ANKFY1: variants seen among roughly 807,000 people sequenced by gnomAD.
ANKFY1 encodes ankyrin repeat and FYVE domain-containing protein 1.
ANKFY1 carries 47 observed loss-of-function variants against 128.3 expected under a neutral mutation model. The ratio of observed to expected loss-of-function variants is 0.37; its 90% CI spans 0.29 to 0.47. The LOEUF is 0.47. Ranked by LOEUF, ANKFY1 falls within the 20% of genes least tolerant of loss-of-function variation. The pLI, the probability that ANKFY1 is intolerant of heterozygous loss-of-function variation, is 1.00. For synonymous variants in ANKFY1, 553 were observed against 601.6 expected (o/e 0.92, Z 1.18); for missense variants, 1,222 against 1,510.6 (o/e 0.81, Z 3.17).
rs1567941985 is a variant in ANKFY1 at position 4,205,480 on chromosome 17, CG to C, written c.898+840del. 5.3e-5 allele frequency among the ~76,000 whole-genome samples: 8 copies of C among 152,230 alleles called. No homozygotes were observed. In the South Asian group the frequency reaches 1.7e-3, roughly 32 times the overall value. On this transcript the variant is annotated intron_variant, in intron 7 of 24. Coordinates refer to ENST00000341657, the MANE Select transcript of ANKFY1 (RefSeq NM_001330063.2). ...TGTTCTGGGAGGACGCGGTGGCTCA[CG>C]CCTCTAATCCCAGCACTTTGGGAGG...
chr17:4,194,621 T>C (rs1287195670), intron 10 of ANKFY1: 1 of 265,968 alleles, frequency 3.8e-6, no homozygotes, highest in Admixed American at 5.0e-5. Flanking sequence ...TAAAACAGTG[T>C]TCTCAAAGTG....
chr17:4,236,208 G>A, intron 2 of ANKFY1, among the ~76,000 whole-genome samples: 1 of 152,214 alleles, frequency 6.6e-6, no homozygotes, highest in East Asian at 1.9e-4. Flanking sequence ...CACATAAAAA[G>A]TAGAGGATAT....
In ANKFY1 at chr17:4,189,455, G is replaced by A; in HGVS notation, c.1397C>T (p.Ala466Val). The A allele has an allele frequency of 6.3e-7, 1 of 1,587,718 alleles. No individual in the cohort carries two copies. The highest frequency in any genetic ancestry group is 8.6e-7 in the Non-Finnish European group (1 of 1,164,078). The change falls in exon 11 of 25, where the codon GCT (alanine) becomes GTT (valine). Residue 466 changes from alanine to valine, a missense_variant. Coordinates refer to ENST00000341657, the MANE Select transcript of ANKFY1 (RefSeq NM_001330063.2). ...AGCTGCTGCCTCGTTTCCTGCTCCA[G>A]CTGCCCGCTGTAGTAAACAGTTTCC... ...ATGNCLLQRA[A>V]GAGNEAAALF... is the part of the protein sequence containing the mutation.
At chr17:4,242,152 C>A (rs1036772243) in intron 2 of ANKFY1, 104 bp downstream of exon 2, 9 of 1,205,752 alleles carry the variant, frequency 7.5e-6, no homozygotes, top group Non-Finnish European at 1.0e-5. Context: ...TTGCTAATAT[C>A]CTCATTAGAG....
At chr17:4,183,944 G>A in intron 12 of ANKFY1, 34 bp from the exon 13 acceptor site, 3 of 1,547,968 alleles carry the variant, frequency 1.9e-6, no homozygotes, top group Non-Finnish European at 8.9e-7. Context: ...AACACTTGAT[G>A]TCACCATCTG....
At chr17:4,201,712 G>A (rs1225804337) in intron 7 of ANKFY1, among the ~76,000 whole-genome samples, 2 of 152,136 alleles carry the variant, frequency 1.3e-5, no homozygotes, top group Non-Finnish European at 2.9e-5. Flanking sequence ...GGTAAGGGGT[G>A]CAGAAGGTTG....
chr17:4,245,546 G>C (rs1262030984), intron 1 of ANKFY1, among the ~76,000 whole-genome samples: 1 of 151,948 alleles, frequency 6.6e-6, no homozygotes, highest in Admixed American at 6.6e-5. Flanking sequence ...TTGCTATGTT[G>C]CCAGGGCTAC....
chr17:4,182,461 C>T, intron 14 of ANKFY1, 112 bp from the exon 15 acceptor site: 3 of 768,532 alleles, frequency 3.9e-6, no homozygotes, highest in Non-Finnish European at 5.7e-6. Flanking sequence ...CATATTCACT[C>T]ACAATCATTC....
intron 1 of ANKFY1, among the ~76,000 whole-genome samples, chr17:4,244,391 C>T (rs770072329): frequency 5.9e-5 from 9 of 152,092 alleles, no homozygotes; most frequent in Non-Finnish European, 1.3e-4. Flanking sequence ...CTGAGGAAGC[C>T]GTCATGAAAC....
intron 12 of ANKFY1, 121 bp from the exon 13 acceptor site, chr17:4,184,031 G>C (rs1019132938): frequency 1.5e-5 from 12 of 776,664 alleles, no homozygotes; most frequent in Non-Finnish European, 2.1e-5. Flanking sequence ...GCTATAAAAA[G>C]AGAGTAGATA....
chr17:4,176,127 C>T (rs1303337147), intron 19 of ANKFY1, among the ~76,000 whole-genome samples: 1 of 152,212 alleles, frequency 6.6e-6, no homozygotes, highest in Non-Finnish European at 1.5e-5. Context: ...AGTTCACACT[C>T]ACTGCCACGG....
chr17:4,258,254 G>A (rs1317682605), intron 1 of ANKFY1, among the ~76,000 whole-genome samples: 1 of 152,136 alleles, frequency 6.6e-6, no homozygotes, highest in Admixed American at 6.5e-5. Flanking sequence ...GGCCGGGCGC[G>A]GTGGCTCACG....
chr17:4,245,662 G>A (rs920311391), intron 1 of ANKFY1, among the ~76,000 whole-genome samples: 1 of 151,198 alleles, frequency 6.6e-6, no homozygotes, highest in Non-Finnish European at 1.5e-5. Flanking sequence ...GGATCCCCTT[G>A]AGCCTAGGAG....
In ANKFY1 at chr17:4,172,639, T is replaced by C. The variant is rs2059342546; in HGVS notation, c.3056A>G (p.Glu1019Gly). Residue 1019 changes from glutamate to glycine, a missense_variant, in exon 22 of 25, where the codon GAG becomes GGG. By Grantham distance (98) the Glu-to-Gly change is moderately conservative. Transcript: ENST00000341657. ...PLHILGQYGKENAAAIFDLFL... is the reference protein window; with the variant it reads ...PLHILGQYGKGNAAAIFDLFL... ...GAGATCAAAGATGGCCGCTGCATTCTCCTTGCCATATTGTCCCAAAATGTG... is the reference window on the plus strand; with the variant it reads ...GAGATCAAAGATGGCCGCTGCATTCCCCTTGCCATATTGTCCCAAAATGTG... 1 of 1,614,060 alleles carries C rather than the reference T, an allele frequency of 6.2e-7. No individual in the cohort carries two copies. Among genetic ancestry groups the C allele is most frequent in the South Asian group, 1.1e-5 (1 of 91,094 alleles).
At chr17:4,212,946 T>A (rs1351612940) in intron 4 of ANKFY1, among the ~76,000 whole-genome samples, 2 of 145,096 alleles carry the variant, frequency 1.4e-5, no homozygotes, top group East Asian at 2.0e-4. Flanking sequence ...AATTTTTGTA[T>A]TTTTTTTTTT....
At chr17:4,179,123 G>T (rs1598018774) in intron 17 of ANKFY1, 66 bp from the exon 18 acceptor site, 5 of 1,528,460 alleles carry the variant, frequency 3.3e-6, no homozygotes, top group East Asian at 2.3e-5. Context: ...ATATGAAAGG[G>T]TATAACTTTT....
intron 7 of ANKFY1, among the ~76,000 whole-genome samples, chr17:4,198,728 C>A (rs2059874277): frequency 6.6e-6 from 1 of 152,086 alleles, no homozygotes; most frequent in Non-Finnish European, 1.5e-5. Flanking sequence ...AAGAAGTTTA[C>A]AATGAAATAT....
chr17:4,201,479 A>ATTTTTT (rs59058325), intron 7 of ANKFY1, among the ~76,000 whole-genome samples: 1 of 135,700 alleles, frequency 7.4e-6, no homozygotes, highest in African/African-American at 2.7e-5. Flanking sequence ...CCTGTGTCTG[A>ATTTTTT]TTTTTTTTTT....
chr17:4,182,497 T>A, intron 14 of ANKFY1, 148 bp from the exon 15 acceptor site: 1 of 598,978 alleles, frequency 1.7e-6, no homozygotes. Context: ...AAATTAAATG[T>A]GAAAATAGTG....
Sources: allele counts gnomAD v4.1 joint callset (sites outside exome capture counted in the v4.1 genomes callset), GRCh38; gene constraint gnomAD v4.1.1; transcripts MANE v1.5; gene names NCBI Gene and HGNC (gene_info 2026-07-23, HGNC 2026-07-21).